The following MYLK variants were observed in gnomAD, a reference collection of about 807,000 sequenced individuals.
The protein encoded by MYLK is myosin light chain kinase.
In MYLK, 106 loss-of-function variants were observed where a neutral mutation model predicts 203.4. The ratio of observed to expected loss-of-function variants is 0.52; its 90% confidence interval spans 0.45 to 0.61. MYLK has a LOEUF of 0.61. Ranked by LOEUF, MYLK falls within the 20% of genes least tolerant of loss-of-function variation. MYLK has a pLI of 0.00. For synonymous variants in MYLK, 867 were observed against 959.5 expected (o/e 0.90, Z 1.78); for missense variants, 2,072 against 2,442.3 (o/e 0.85, Z 3.20).
At chr3:123,826,591 A>G (rs1043014726) in intron 3 of MYLK, among the ~76,000 whole-genome samples, 1 of 152,232 alleles carries the variant, frequency 6.6e-6, no homozygotes, top group African/African-American at 2.4e-5. Context: ...TGACAGGCAC[A>G]CTAGGTTGGC....
In MYLK at chr3:123,706,997, C is replaced by T. The variant is rs187116027; in HGVS notation, c.2390+757G>A. ...CTTAGTGACTCACTTCTAACAAAGT[C>T]GGAAGTGATGGCGTGTGGCTTCCAA... On this transcript the variant is annotated intron_variant, in intron 16 of 33. Transcript: ENST00000360304. 3.9e-5 allele frequency among the ~76,000 whole-genome samples: 6 copies of T among 152,344 alleles called. No individual in the cohort carries two copies. The East Asian group carries it at 7.7e-4, about 20-fold the overall frequency.
intron 2 of MYLK, among the ~76,000 whole-genome samples, chr3:123,842,406 C>T (rs1672899193): frequency 6.6e-6 from 1 of 152,148 alleles, no homozygotes; most frequent in Non-Finnish European, 1.5e-5. Context: ...CAGGCCAATT[C>T]TGCTCAATTT....
At chr3:123,748,077 A>T (rs374302457) in intron 5 of MYLK, among the ~76,000 whole-genome samples, 3 of 152,198 alleles carry the variant, frequency 2.0e-5, no homozygotes, top group Non-Finnish European at 4.4e-5. Flanking sequence ...CAGGCTGTAC[A>T]AGAAGCATGG....
chr3:123,721,700 G>A (rs1317372678), intron 13 of MYLK, among the ~76,000 whole-genome samples: 2 of 151,802 alleles, frequency 1.3e-5, no homozygotes, highest in African/African-American at 2.4e-5. Flanking sequence ...CAGGGAATAC[G>A]TGAGTGCTCT....
rs2058322484 is a variant in MYLK, at chr3:123,629,557, G to C, written c.5031C>G (p.Thr1677=). Residue 1677 remains threonine (T), a synonymous_variant, in exon 30 of 34, where the codon ACC becomes ACG. Coordinates refer to ENST00000360304, the MANE Select transcript of MYLK (RefSeq NM_053025.4). This position sits in a 1 kb window ranked among gnomAD's most constrained non-coding sequence, Gnocchi z 4.4. ...NETLANVTSA[T]WDFDDEAFDE... The stretch of plus-strand genomic sequence containing the variant: ...CGAATGCCTCGTCGTCGAAGTCCCA[G>C]GTGGCTGAGGTAACGTTGGCCAAGG... The C allele has an allele frequency of 6.2e-7, 1 of 1,614,196 alleles. No homozygotes were observed. Among genetic ancestry groups the C allele is most frequent in the Non-Finnish European group, 8.5e-7 (1 of 1,180,040 alleles).
chr3:123,790,009 T>G (rs1563429), intron 4 of MYLK, among the ~76,000 whole-genome samples: 7,565 of 152,142 alleles, frequency 0.05, 600 homozygotes, highest in African/African-American at 0.17. Flanking sequence ...ACATTTCCTG[T>G]GTGAATCACT....
chr3:123,640,462 G>T lies in MYLK; in HGVS notation c.4662C>A (p.Asp1554Glu). 6.2e-7 allele frequency: 1 copy of T among 1,614,022 alleles called. No individual in the cohort carries two copies. Among genetic ancestry groups the T allele is most frequent in the Non-Finnish European group, 8.5e-7 (1 of 1,180,008 alleles). ...TGCACTCACGCTCCGTCAGCTCAAAGTCCTCGTCAATGATGCGCTCAAACA... is the reference window on the plus strand; with the variant it reads ...TGCACTCACGCTCCGTCAGCTCAAATTCCTCGTCAATGATGCGCTCAAACA... ...GELFERIIDE[D>E]FELTERECIK... is the part of the protein sequence containing the mutation. The change falls in exon 28 of 34, where the codon GAC becomes GAA. Residue 1554 changes from aspartate to glutamate, a missense_variant. Physicochemically the swap from Asp to Glu is conservative, Grantham distance 45 (BLOSUM62 2). Coordinates refer to ENST00000360304, the MANE Select transcript of MYLK (RefSeq NM_053025.4). The surrounding 1 kb of genome is among the most constrained non-coding windows in gnomAD (Gnocchi z 4.3).
chr3:123,670,403 G>C (rs1031171822), intron 20 of MYLK, among the ~76,000 whole-genome samples: 4 of 152,130 alleles, frequency 2.6e-5, no homozygotes, highest in Non-Finnish European at 4.4e-5. Flanking sequence ...GTGGAGGCTG[G>C]CAGAGCACAG....
intron 11 of MYLK, among the ~76,000 whole-genome samples, chr3:123,728,938 A>G (rs866580): frequency 0.88 from 134,649 of 152,148 alleles, 61,231 homozygotes; most frequent in Non-Finnish European, 0.99. Context: ...ATTGTTTAAC[A>G]TTATAGCTAC....
intron 4 of MYLK, among the ~76,000 whole-genome samples, chr3:123,783,365 C>A (rs1251897370): frequency 6.6e-6 from 1 of 152,102 alleles, no homozygotes; most frequent in East Asian, 1.9e-4. Context: ...TCTTATTTTG[C>A]TAGTTTTTTA....
intron 13 of MYLK, among the ~76,000 whole-genome samples, chr3:123,714,374 A>G (rs1560119226): frequency 6.6e-6 from 1 of 152,054 alleles, no homozygotes; most frequent in East Asian, 1.9e-4. Flanking sequence ...TCATGTCCAG[A>G]GCTACCCATT....
chr3:123,613,764 C>T lies in MYLK; in HGVS notation c.*341G>A. 9.2e-6 allele frequency: 3 copies of T among 327,092 alleles called. No homozygotes were observed. The highest frequency in any genetic ancestry group is 8.2e-5 in the South Asian group (3 of 36,732). 20.3% of individuals were successfully genotyped at this position (327,092 alleles called of 1,614,324 possible). A position where few individuals can be genotyped will look rare whatever the true frequency, so the allele number is the denominator to read the frequency against. On this transcript the variant is annotated 3_prime_UTR_variant, in exon 34 of 34. Transcript: ENST00000360304. ...GAACTCTTGTTTTGGCCTTATTTTT[C>T]ATGAGCGCATTCAAGTGGAGAATTT...
chr3:123,683,480 C>G (rs2060341627), intron 19 of MYLK, among the ~76,000 whole-genome samples: 1 of 152,120 alleles, frequency 6.6e-6, no homozygotes, highest in Admixed American at 6.5e-5. Flanking sequence ...CATACTTCTC[C>G]CAGCAAGTGG....
intron 3 of MYLK, among the ~76,000 whole-genome samples, chr3:123,794,066 G>A (rs769856299): frequency 1.3e-5 from 2 of 152,236 alleles, no homozygotes; most frequent in African/African-American, 4.8e-5. Context: ...CAAACACTCC[G>A]GTTCCCAGGG....
intron 3 of MYLK, chr3:123,814,141 G>T: frequency 2.7e-6 from 1 of 369,256 alleles, no homozygotes; most frequent in South Asian, 2.4e-5. Flanking sequence ...GGCTGCCACA[G>T]AAACACTGAC....
chr3:123,743,469 G>A (rs559444428), intron 5 of MYLK, among the ~76,000 whole-genome samples: 1 of 152,278 alleles, frequency 6.6e-6, no homozygotes, highest in South Asian at 2.1e-4. Context: ...AAAATTTGAA[G>A]TTGCAAATTG....
intron 5 of MYLK, among the ~76,000 whole-genome samples, chr3:123,744,763 A>C (rs1464628274): frequency 6.6e-6 from 1 of 152,204 alleles, no homozygotes; most frequent in African/African-American, 2.4e-5. Flanking sequence ...TCTCCAAAAA[A>C]TAATGGAAAT....
chr3:123,704,438 A>G (rs937484308), intron 16 of MYLK, among the ~76,000 whole-genome samples: 1 of 152,178 alleles, frequency 6.6e-6, no homozygotes, highest in Non-Finnish European at 1.5e-5. Context: ...AGGAGCTGCC[A>G]CAGAGCATAT....
At chr3:123,677,884 A>AACATATATATATATATATAT (rs2060121187) in intron 20 of MYLK, among the ~76,000 whole-genome samples, 1 of 53,566 alleles carries the variant, frequency 1.9e-5, no homozygotes, top group Non-Finnish European at 3.2e-5. Flanking sequence ...TAAATAAATG[A>AACATATATATATATATATAT]ATATATATAT....
Sources: gnomAD v4.1 joint callset for allele counts (sites outside exome capture counted in the v4.1 genomes callset) on GRCh38, gnomAD v4.1.1 for gene constraint, Gnocchi (gnomAD v3.1) non-coding constraint, MANE v1.5 for transcripts, NCBI Gene and HGNC (gene_info 2026-07-23, HGNC 2026-07-21) for gene names.